Variants in H1-8 observed in about 807,000 individuals in gnomAD.
H1-8 encodes the protein H1.8 linker histone.
A neutral mutation model predicts 19.5 loss-of-function variants in H1-8; 13 were observed. That is an observed-to-expected ratio of 0.67 (90% CI 0.43 to 1.06). The LOEUF (loss-of-function observed/expected upper bound fraction) is 1.06. Among genes scored for constraint, H1-8 ranks in the 50% least tolerant of loss-of-function variants. H1-8 has a pLI of 0.00. For missense variants in H1-8, 432 were observed against 459.8 expected (o/e 0.94, Z 0.55); for synonymous variants, 193 against 187.6 (o/e 1.03, Z -0.24).
At position 129,543,225 on chromosome 3, in the gene H1-8, C is replaced by T. The variant is rs745974477; in HGVS notation, c.7C>T (p.Pro3Ser). 3.7e-6 allele frequency: 6 copies of T among 1,612,922 alleles called. No homozygotes were observed. The highest frequency in any genetic ancestry group is 4.2e-6 in the Non-Finnish European group (5 of 1,179,512). ...GGCTGCACCTGTCGGTCTCATGGCT[C>T]CTGGGAGCGTCACCAGCGACATCTC... MA[P>S]GSVTSDISPS... The change falls in exon 1 of 5, where the codon CCT becomes TCT. Residue 3 changes from proline (P) to serine (S), a missense_variant. Transcript: ENST00000324382.
At chr3:129,547,928 T>C (rs565868638) in intron 2 of H1-8, among the ~76,000 whole-genome samples, 2 of 152,334 alleles carry the variant, frequency 1.3e-5, no homozygotes, top group South Asian at 4.1e-4. Flanking sequence ...TCCCAGGGCC[T>C]GTGTCAGCTG....
chr3:129,547,587 C>G lies in H1-8; in HGVS notation c.285C>G (p.Tyr95Ter), dbSNP rs754147775. 6.4e-7 allele frequency: 1 copy of G among 1,560,330 alleles called. No individual in the cohort carries two copies. The highest frequency in any genetic ancestry group is 8.7e-7 in the Non-Finnish European group (1 of 1,152,394). The change falls in exon 2 of 5, where the codon TAC (tyrosine) becomes TAG (stop). Residue 95 changes from tyrosine to a stop codon, truncating the protein, a stop_gained. Coordinates refer to ENST00000324382, the MANE Select transcript of H1-8 (RefSeq NM_153833.3). LOFTEE classifies it high-confidence loss of function. ...CAGTGGACGTCCTCCGCTTCAAGTA[C>G]CTGCTGAAGCAGGCGCTGGCCACTG... ...YPTVDVLRFK[Y>*]LLKQALATGM...
rs2084865942 is a variant in H1-8 at position 129,543,378 on chromosome 3, C to G, written c.88+72C>G. 7 of 1,118,292 alleles carry G rather than the reference C, an allele frequency of 6.3e-6. No homozygotes were observed. The South Asian group carries it at 9.4e-5, about 15-fold the overall frequency. The allele number at this position is 1,118,292 out of a possible 1,614,324, so 69.3% of individuals were successfully genotyped here. Reference sequence around the variant, plus strand: ...CCTGGGTTGCCTTTGATGCTCCACCCCTGCTTCTCGTTCTTTCCCAGCCTG... The same window carrying G: ...CCTGGGTTGCCTTTGATGCTCCACCGCTGCTTCTCGTTCTTTCCCAGCCTG... On this transcript the variant is annotated intron_variant, in intron 1 of 4. Coordinates refer to ENST00000324382, the MANE Select transcript of H1-8 (RefSeq NM_153833.3).
Position 129,547,475 on chromosome 3 carries a change from T to C in H1-8, c.173T>C (p.Met58Thr). The C allele has an allele frequency of 1.3e-6, 2 of 1,532,190 alleles. No homozygotes were observed. The highest frequency in any genetic ancestry group is 1.8e-6 in the Non-Finnish European group (2 of 1,135,354). The allele number at this position is 1,532,190 out of a possible 1,614,324, so 94.9% of individuals were successfully genotyped here. A position where few individuals can be genotyped will look rare whatever the true frequency, so the allele number is the denominator to read the frequency against. Residue 58 changes from methionine to threonine, a missense_variant, in exon 2 of 5, where the codon ATG (methionine) becomes ACG (threonine). Transcript: ENST00000324382. Reference sequence around the variant, plus strand: ...CGCCGCCACCCCCCGGTGCTACGCATGGTGCTGGAGGCGCTGCAGGCTGGG... The same window carrying C: ...CGCCGCCACCCCCCGGTGCTACGCACGGTGCTGGAGGCGCTGCAGGCTGGG... Reference protein sequence around the residue: ...VGRRHPPVLRMVLEALQAGEQ... With the variant: ...VGRRHPPVLRTVLEALQAGEQ...
At chr3:129,544,493 C>T (rs965988400) in intron 1 of H1-8, among the ~76,000 whole-genome samples, 1 of 151,084 alleles carries the variant, frequency 6.6e-6, no homozygotes, top group Non-Finnish European at 1.5e-5. Context: ...AGAATGCCCC[C>T]AGTTCTTGCT....
At chr3:129,550,996 C>G in intron 4 of H1-8, 111 bp from the exon 5 acceptor site, 1 of 1,059,472 alleles carries the variant, frequency 9.4e-7, no homozygotes, top group Non-Finnish European at 1.4e-6. Context: ...CCCCATCTTA[C>G]AGATAAGAGA....
intron 2 of H1-8, chr3:129,548,366 G>A (rs34564228): frequency 2.2e-4 from 220 of 986,106 alleles, no homozygotes; most frequent in Admixed American, 3.7e-4. Flanking sequence ...ACTCCTGGGC[G>A]TGGGTCAGAG....
chr3:129,545,073 T>G (rs2084878293), intron 1 of H1-8, among the ~76,000 whole-genome samples: 1 of 151,588 alleles, frequency 6.6e-6, no homozygotes, highest in Admixed American at 6.6e-5. Context: ...TTTTTTTTTT[T>G]TTTTTGAGAC....
At chr3:129,550,595 TCA>T (rs1362368963) in intron 3 of H1-8, 148 bp from the exon 4 acceptor site, 4 of 651,158 alleles carry the variant, frequency 6.1e-6, no homozygotes, top group Non-Finnish European at 8.2e-6. Context: ...TCACTGAGGC[TCA>T]GAGTGGCTAA....
Position 129,548,527 on chromosome 3 carries a change from A to G in H1-8, c.379-474A>G. The G allele has an allele frequency of 5.1e-6, 5 of 988,222 alleles. No homozygotes were observed. The South Asian group carries it at 2.3e-4, about 46-fold the overall frequency. 61.2% of individuals were successfully genotyped at this position (988,222 alleles called of 1,614,324 possible). On this transcript the variant is annotated intron_variant, in intron 2 of 4. Transcript: ENST00000324382. ...AGCCCTGAGGGTTGGGGGACAGGAAAGAAACAGCTTGCCAGGAGCCCTCCC... is the reference window on the plus strand; with the variant it reads ...AGCCCTGAGGGTTGGGGGACAGGAAGGAAACAGCTTGCCAGGAGCCCTCCC...
intron 1 of H1-8, among the ~76,000 whole-genome samples, chr3:129,544,399 G>A (rs2084873523): frequency 6.6e-6 from 1 of 152,094 alleles, no homozygotes; most frequent in Non-Finnish European, 1.5e-5. Flanking sequence ...GCTGGGGCTG[G>A]GGAGTTGGAG....
rs1225244072 is a variant in H1-8 at position 129,549,109 on chromosome 3, G to A, written c.487G>A (p.Ala163Thr). The A allele has an allele frequency of 6.3e-7, 1 of 1,599,040 alleles. No homozygotes were observed. Reference sequence around the variant, plus strand: ...GAAGGGCCCCAAGAAACCAAGTGAGGCCAAGGAGGACCCTCCCAACGTGGG... The same window carrying A: ...GAAGGGCCCCAAGAAACCAAGTGAGACCAAGGAGGACCCTCCCAACGTGGG... ...KGKGPKKPSEAKEDPPNVGKV... is the reference protein window; with the variant it reads ...KGKGPKKPSETKEDPPNVGKV... The change falls in exon 3 of 5, where the codon GCC becomes ACC. Residue 163 changes from alanine (A) to threonine (T), a missense_variant. Coordinates refer to ENST00000324382, the MANE Select transcript of H1-8 (RefSeq NM_153833.3).
chr3:129,550,781 G>GT lies in H1-8; in HGVS notation c.780dup (p.Lys261Ter). 1 of 1,614,054 alleles carries GT rather than the reference G, an allele frequency of 6.2e-7. No individual in the cohort carries two copies. Among genetic ancestry groups the GT allele is most frequent in the Non-Finnish European group, 8.5e-7 (1 of 1,179,962 alleles). On this transcript the variant is annotated frameshift_variant, in exon 4 of 5. Coordinates refer to ENST00000324382, the MANE Select transcript of H1-8 (RefSeq NM_153833.3). LOFTEE classifies it low-confidence loss of function (END_TRUNC). ...GCCTACAGGAAAACCAAAGCTGAGA[G>GT]TAAGAGTTCAAAACCCACGGCCAGC...
At position 129,549,383 on chromosome 3, in the gene H1-8, G is replaced by T. The variant is rs1214466551; in HGVS notation, c.742+19G>T. Reference sequence around the variant, plus strand: ...AGCCAAGGTAGTTGTGTGACTTGTAGGGGGTGGTGTGGGGATGGGGGTCTT... The same window carrying T: ...AGCCAAGGTAGTTGTGTGACTTGTATGGGGTGGTGTGGGGATGGGGGTCTT... On this transcript the variant is annotated intron_variant, in intron 3 of 4. Coordinates refer to ENST00000324382, the MANE Select transcript of H1-8 (RefSeq NM_153833.3). The T allele has an allele frequency of 6.4e-6, 10 of 1,557,730 alleles. No individual in the cohort carries two copies. In the South Asian group the frequency reaches 8.5e-5, roughly 13 times the overall value.
Position 129,547,569 on chromosome 3 carries a change from C to A in H1-8, c.267C>A (p.Asp89Glu), listed in dbSNP as rs182934536. The A allele has an allele frequency of 6.4e-7, 1 of 1,569,616 alleles. No homozygotes were observed. The highest frequency in any genetic ancestry group is 8.6e-7 in the Non-Finnish European group (1 of 1,157,406). Residue 89 changes from aspartate to glutamate, a missense_variant, in exon 2 of 5, where the codon GAC (aspartate) becomes GAA (glutamate). By Grantham distance (45) the Asp-to-Glu change is conservative (BLOSUM62 2). Coordinates refer to ENST00000324382, the MANE Select transcript of H1-8 (RefSeq NM_153833.3). ...LYILHKYPTV[D>E]VLRFKYLLKQ... Reference sequence around the variant, plus strand: ...TCCTGCACAAGTACCCAACAGTGGACGTCCTCCGCTTCAAGTACCTGCTGA... The same window carrying A: ...TCCTGCACAAGTACCCAACAGTGGAAGTCCTCCGCTTCAAGTACCTGCTGA...
At chr3:129,546,499 G>A (rs776701472) in intron 1 of H1-8, among the ~76,000 whole-genome samples, 17 of 152,128 alleles carry the variant, frequency 1.1e-4, no homozygotes, top group Non-Finnish European at 2.1e-4. Flanking sequence ...CATTTCATCT[G>A]TAAATATCTT....
intron 1 of H1-8, among the ~76,000 whole-genome samples, chr3:129,544,460 G>A (rs2084873880): frequency 6.6e-6 from 1 of 151,900 alleles, no homozygotes; most frequent in Non-Finnish European, 1.5e-5. Flanking sequence ...CCTCGAGTGG[G>A]TGTGGTGAGG....
Position 129,549,082 on chromosome 3 carries a change from G to A in H1-8, c.460G>A (p.Gly154Arg), listed in dbSNP as rs1441472842. The change falls in exon 3 of 5, where the codon GGG (glycine) becomes AGG (arginine). Residue 154 changes from glycine to arginine, a missense_variant. Physicochemically the swap from Gly to Arg is moderately radical, Grantham distance 125. Transcript: ENST00000324382. ...TAPRRAGEAKGKGPKKPSEAK... is the reference protein window; with the variant it reads ...TAPRRAGEAKRKGPKKPSEAK... ...TCCCAGGAGAGCGGGTGAGGCCAAGGGGAAGGGCCCCAAGAAACCAAGTGA... is the reference window on the plus strand; with the variant it reads ...TCCCAGGAGAGCGGGTGAGGCCAAGAGGAAGGGCCCCAAGAAACCAAGTGA... 6.2e-7 allele frequency: 1 copy of A among 1,610,266 alleles called. No homozygotes were observed. The highest frequency in any genetic ancestry group is 1.1e-5 in the South Asian group (1 of 90,580).
chr3:129,544,628 C>T (rs999316586), intron 1 of H1-8, among the ~76,000 whole-genome samples: 3 of 151,490 alleles, frequency 2.0e-5, no homozygotes, highest in Non-Finnish European at 4.4e-5. Flanking sequence ...GAATAGCTGC[C>T]GAATGAGGGG....
Sources: allele counts gnomAD v4.1 joint callset (sites outside exome capture counted in the v4.1 genomes callset), GRCh38; gene constraint gnomAD v4.1.1; transcripts MANE v1.5; gene names NCBI Gene and HGNC (gene_info 2026-07-23, HGNC 2026-07-21).